The following CARMIL1 variants were observed in gnomAD, a reference collection of about 807,000 sequenced individuals.
CARMIL1 encodes F-actin-uncapping protein LRRC16A.
Under a neutral mutation model 177.1 loss-of-function variants are expected in CARMIL1, and 90 were observed. The ratio of observed to expected loss-of-function variants is 0.51; its 90% CI spans 0.43 to 0.61. The LOEUF (loss-of-function observed/expected upper bound fraction) is 0.61, where lower values mean the gene tolerates loss of function less well. Among genes scored for constraint, CARMIL1 ranks in the 20% least tolerant of loss-of-function variants. The pLI, the probability that CARMIL1 is intolerant of heterozygous loss-of-function variation, is 0.00. For synonymous variants in CARMIL1, 577 were observed against 606.2 expected, an observed-to-expected ratio of 0.95 and a Z score of 0.71; for missense variants, 1,380 against 1,667.0, an observed-to-expected ratio of 0.83 and a Z score of 3.00.
intron 23 of CARMIL1, among the ~76,000 whole-genome samples, 153 bp downstream of exon 23, chr6:25,520,490 G>T (rs1414977902): frequency 2.0e-5 from 3 of 151,962 alleles, no homozygotes; most frequent in Non-Finnish European, 4.4e-5. Flanking sequence ...GACCACAACT[G>T]GGGTAATGCA....
In CARMIL1 at chr6:25,513,312, G is replaced by A. The variant is rs185456425; in HGVS notation, c.1633-2363G>A. 2.3e-4 allele frequency among the ~76,000 whole-genome samples: 35 copies of A among 152,242 alleles called. No homozygotes were observed. In the East Asian group the frequency reaches 4.4e-3, roughly 19 times the overall value. On this transcript the variant is annotated intron_variant, in intron 20 of 36. Transcript: ENST00000329474. ...TTTTAGTTGTCATTTCCACTTACCT[G>A]TATGTAGGATGTTAAGAAAATTGAA... is the stretch of plus-strand genomic sequence containing the variant.
chr6:25,313,683 G>GCATATA lies in CARMIL1; in HGVS notation c.138+28774_138+28775insCATATA. On this transcript the variant is annotated intron_variant, in intron 2 of 36. Transcript: ENST00000329474. ...TAAAGATCTTTACCCAGGGAAGGCTGTATATATACAGTTATTTGGGAGAAA... is the reference window on the plus strand; with the variant it reads ...TAAAGATCTTTACCCAGGGAAGGCTGCATATATATATATACAGTTATTTGGGAGAAA... Among the ~76,000 whole-genome samples, 47 of 133,566 alleles carry GCATATA rather than the reference G, an allele frequency of 3.5e-4. 1 individual carries two copies. Among genetic ancestry groups the GCATATA allele is most frequent in the South Asian group, 8.0e-4 (3 of 3,770 alleles). 87.6% of individuals were successfully genotyped at this position (133,566 alleles called of 152,430 possible).
At position 25,613,328 on chromosome 6, in the gene CARMIL1, T is replaced by G. The variant is rs541619652; in HGVS notation, c.3979+3147T>G. 1.4e-4 allele frequency among the ~76,000 whole-genome samples: 22 copies of G among 152,288 alleles called. No homozygotes were observed. The South Asian group carries it at 4.3e-3, about 30-fold the overall frequency. On this transcript the variant is annotated intron_variant, in intron 36 of 36. Coordinates refer to ENST00000329474, the MANE Select transcript of CARMIL1 (RefSeq NM_017640.6). ...TTACACTCTTTCAGGAAAGGATCAA[T>G]AAAAAGTCACTGACTCAATGCAGAC... is the stretch of plus-strand genomic sequence containing the variant.
chr6:25,599,614 T>C (rs1456839461), intron 32 of CARMIL1, among the ~76,000 whole-genome samples: 1 of 152,186 alleles, frequency 6.6e-6, no homozygotes, highest in Non-Finnish European at 1.5e-5. Flanking sequence ...CAAACTCAGG[T>C]TTAGCTGCTT....
intron 1 of CARMIL1, among the ~76,000 whole-genome samples, chr6:25,280,803 C>G (rs886434227): frequency 6.6e-6 from 1 of 152,036 alleles, no homozygotes; most frequent in Non-Finnish European, 1.5e-5. Flanking sequence ...CCTATATTCC[C>G]TCCTGTACCA....
chr6:25,311,549 A>T (rs1375158811), intron 2 of CARMIL1, among the ~76,000 whole-genome samples: 1 of 152,156 alleles, frequency 6.6e-6, no homozygotes, highest in Non-Finnish European at 1.5e-5. Context: ...GCGGGGGAAA[A>T]AAAGAGCATT....
chr6:25,593,968 G>A (rs982536629), intron 31 of CARMIL1, among the ~76,000 whole-genome samples: 1 of 152,152 alleles, frequency 6.6e-6, no homozygotes, highest in Non-Finnish European at 1.5e-5. Context: ...AGGGTTAGGG[G>A]AAGCCAGTAA....
chr6:25,592,808 G>A (rs898325202), intron 31 of CARMIL1, among the ~76,000 whole-genome samples: 2 of 152,170 alleles, frequency 1.3e-5, no homozygotes, highest in Non-Finnish European at 2.9e-5. Context: ...ATCTAGACCA[G>A]GTATCCCAAC....
At chr6:25,592,227 G>A (rs1814388233) in intron 31 of CARMIL1, among the ~76,000 whole-genome samples, 3 of 152,142 alleles carry the variant, frequency 2.0e-5, no homozygotes, top group Admixed American at 6.5e-5. Context: ...CAAAAAGTAG[G>A]ATAGTACTAT....
At position 25,279,695 on chromosome 6, in the gene CARMIL1, GC is replaced by G. The variant is rs1373809254; in HGVS notation, c.-100del. The G allele has an allele frequency of 9.2e-7, 1 of 1,092,410 alleles. No homozygotes were observed. The highest frequency in any genetic ancestry group is 1.4e-6 in the Non-Finnish European group (1 of 705,846). The allele number at this position is 1,092,410 out of a possible 1,614,324, so 67.7% of individuals were successfully genotyped here. Reference sequence around the variant, plus strand: ...TTTTCTTGCCCACTTCCATTTGCAAGCTGCATCTGCCTCTCTAAAAAAATTG... The same window carrying G: ...TTTTCTTGCCCACTTCCATTTGCAAGTGCATCTGCCTCTCTAAAAAAATTG... On this transcript the variant is annotated 5_prime_UTR_variant, in exon 1 of 37. Coordinates refer to ENST00000329474, the MANE Select transcript of CARMIL1 (RefSeq NM_017640.6).
intron 24 of CARMIL1, among the ~76,000 whole-genome samples, chr6:25,536,438 C>A (rs1268287426): frequency 6.6e-6 from 1 of 152,076 alleles, no homozygotes; most frequent in African/African-American, 2.4e-5. Flanking sequence ...AATATTCATA[C>A]AACTTCTTTT....
rs547862870 is a variant in CARMIL1 at position 25,554,248 on chromosome 6, A to G, written c.2592+152A>G. 2.0e-5 allele frequency among the ~76,000 whole-genome samples: 3 copies of G among 152,244 alleles called. No homozygotes were observed. The highest frequency in any genetic ancestry group is 2.1e-4 in the South Asian group (1 of 4,824). On this transcript the variant is annotated intron_variant, in intron 28 of 36. Coordinates refer to ENST00000329474, the MANE Select transcript of CARMIL1 (RefSeq NM_017640.6). The surrounding 1 kb of genome is among the most constrained non-coding windows in gnomAD (Gnocchi z 4.6). ...TCTTGGTTTTCCTCCTTTCTCTTCT[A>G]TGTTGCTTCTAGCCATTCTGGAGCA...
chr6:25,297,852 A>G (rs1471534464), intron 2 of CARMIL1, among the ~76,000 whole-genome samples: 1 of 152,198 alleles, frequency 6.6e-6, no homozygotes, highest in African/African-American at 2.4e-5. Context: ...AGGGCTTTAC[A>G]TTTTAATATT....
intron 2 of CARMIL1, among the ~76,000 whole-genome samples, chr6:25,355,018 A>T (rs1282739936): frequency 6.6e-6 from 1 of 152,106 alleles, no homozygotes; most frequent in Non-Finnish European, 1.5e-5. Context: ...CCCTCTTCCA[A>T]ATATTCTGGA....
At chr6:25,559,984 T>G (rs1302498858) in intron 29 of CARMIL1, among the ~76,000 whole-genome samples, 1 of 152,182 alleles carries the variant, frequency 6.6e-6, no homozygotes, top group Admixed American at 6.5e-5. Flanking sequence ...GAAATTTATA[T>G]TAATTTGAAT....
chr6:25,513,902 C>T (rs1805699286), intron 20 of CARMIL1, among the ~76,000 whole-genome samples: 1 of 152,076 alleles, frequency 6.6e-6, no homozygotes, highest in Non-Finnish European at 1.5e-5. Context: ...CCCAAGCAAC[C>T]CAGGAGACAT....
chr6:25,292,585 C>A (rs778018267), intron 2 of CARMIL1, among the ~76,000 whole-genome samples: 1 of 152,182 alleles, frequency 6.6e-6, no homozygotes, highest in Admixed American at 6.5e-5. Context: ...GTTACCTGAG[C>A]TGCATTTACA....
chr6:25,357,076 GTTT>G (rs35891455), intron 2 of CARMIL1, among the ~76,000 whole-genome samples: 2 of 131,158 alleles, frequency 1.5e-5, no homozygotes, highest in African/African-American at 5.5e-5. Context: ...AAGTCATTGT[GTTT>G]TTTTTTTTTT....
intron 16 of CARMIL1, among the ~76,000 whole-genome samples, chr6:25,496,749 G>GGATAGGAA (rs1170129495): frequency 2.6e-5 from 4 of 152,156 alleles, no homozygotes; most frequent in Non-Finnish European, 5.9e-5. Flanking sequence ...CCGGATGACA[G>GGATAGGAA]GATAGGAAGC....
Sources: allele counts gnomAD v4.1 joint callset (sites outside exome capture counted in the v4.1 genomes callset), GRCh38; gene constraint gnomAD v4.1.1; non-coding constraint Gnocchi (gnomAD v3.1); transcripts MANE v1.5; gene names NCBI Gene and HGNC (gene_info 2026-07-23, HGNC 2026-07-21).